Variants in CDH10 observed in about 807,000 individuals in gnomAD.
The protein encoded by CDH10 is cadherin 10, also known as cadherin-10.
In CDH10, 30 loss-of-function variants were observed where a neutral mutation model predicts 73.1. The ratio of observed to expected loss-of-function variants is 0.41; its 90% CI spans 0.31 to 0.56. The LOEUF is 0.56. CDH10 is among the 20% of genes least tolerant of loss of function. The probability of loss-of-function intolerance (pLI) is 0.27; values close to 1 mark genes in which losing one functional copy is unlikely to be tolerated. For synonymous variants in CDH10, 345 were observed against 348.2 expected, an observed-to-expected ratio of 0.99 and a Z score of 0.10; for missense variants, 815 against 973.7, an observed-to-expected ratio of 0.84 and a Z score of 2.17.
chr5:24,500,247 A>T (rs532861966), intron 8 of CDH10, among the ~76,000 whole-genome samples: 1 of 152,358 alleles, frequency 6.6e-6, no homozygotes, highest in Non-Finnish European at 1.5e-5. Flanking sequence ...TATTAAAATC[A>T]GCACTTTAAA....
At chr5:24,577,013 A>G (rs1481857056) in intron 2 of CDH10, among the ~76,000 whole-genome samples, 4 of 151,986 alleles carry the variant, frequency 2.6e-5, no homozygotes, top group African/African-American at 9.7e-5. Context: ...TATTAAAAAA[A>G]AAAAACCCAA....
intron 2 of CDH10, among the ~76,000 whole-genome samples, chr5:24,570,561 T>A (rs1231489709): frequency 6.6e-6 from 1 of 152,098 alleles, no homozygotes; most frequent in Non-Finnish European, 1.5e-5. Flanking sequence ...CAGATGTTTA[T>A]ACGAAGAGCA....
intron 9 of CDH10, among the ~76,000 whole-genome samples, chr5:24,493,673 T>C (rs1376796148): frequency 6.6e-6 from 1 of 151,912 alleles, no homozygotes; most frequent in East Asian, 1.9e-4. Context: ...CTATCTTCCT[T>C]TTGTTCTTTA....
At chr5:24,504,607 C>A (rs1275541145) in intron 8 of CDH10, among the ~76,000 whole-genome samples, 1 of 145,424 alleles carries the variant, frequency 6.9e-6, no homozygotes, top group Non-Finnish European at 1.5e-5. Context: ...CTCACTGCAA[C>A]CTCTGCCTCC....
chr5:24,620,361 C>T (rs1377031758), intron 1 of CDH10, among the ~76,000 whole-genome samples: 1 of 152,032 alleles, frequency 6.6e-6, no homozygotes, highest in Non-Finnish European at 1.5e-5. Context: ...ATTACATCTC[C>T]AAATTGGTTG....
At chr5:24,568,852 T>C (rs6878541) in intron 2 of CDH10, among the ~76,000 whole-genome samples, 141,350 of 152,158 alleles carry the variant, frequency 0.93, 66,073 homozygotes, top group East Asian at 1. Context: ...TGGTTCACAC[T>C]TGTAATCCCA....
chr5:24,572,553 A>G (rs1745424317), intron 2 of CDH10, among the ~76,000 whole-genome samples: 1 of 152,146 alleles, frequency 6.6e-6, no homozygotes, highest in Admixed American at 6.5e-5. Flanking sequence ...AAAAAAATCA[A>G]CACTATCTTA....
At chr5:24,604,804 C>T (rs1045313107) in intron 1 of CDH10, among the ~76,000 whole-genome samples, 3 of 144,712 alleles carry the variant, frequency 2.1e-5, no homozygotes, top group East Asian at 2.1e-4. Flanking sequence ...AGCCGGGAGG[C>T]GGAGGTTGCA....
chr5:24,624,465 T>C (rs1375510292), intron 1 of CDH10, among the ~76,000 whole-genome samples: 1 of 152,140 alleles, frequency 6.6e-6, no homozygotes, highest in African/African-American at 2.4e-5. Context: ...AAGAGACTAA[T>C]GATGAGGTGA....
chr5:24,619,444 C>T (rs767426624), intron 1 of CDH10, among the ~76,000 whole-genome samples: 6 of 152,104 alleles, frequency 3.9e-5, no homozygotes, highest in Non-Finnish European at 8.8e-5. Flanking sequence ...CTGCCCGCCT[C>T]GGCCTCACAA....
intron 2 of CDH10, among the ~76,000 whole-genome samples, chr5:24,577,186 G>C (rs1342620388): frequency 6.6e-6 from 1 of 151,944 alleles, no homozygotes; most frequent in Admixed American, 6.6e-5. Flanking sequence ...GGTGAGAAAG[G>C]TCATTAGGGA....
At chr5:24,554,022 C>T (rs1412560332) in intron 2 of CDH10, 1 of 145,548 alleles carries the variant, frequency 6.9e-6, no homozygotes, top group African/African-American at 2.6e-5. Context: ...CACATAAGGA[C>T]AGAGTGAGAG....
intron 2 of CDH10, among the ~76,000 whole-genome samples, chr5:24,564,107 A>G (rs968581990): frequency 6.6e-6 from 1 of 152,196 alleles, no homozygotes; most frequent in Non-Finnish European, 1.5e-5. Context: ...GTCAAAAATG[A>G]TATTTAGAAA....
intron 2 of CDH10, among the ~76,000 whole-genome samples, chr5:24,563,775 CAAAAAAAA>C (rs56666966): frequency 2.8e-4 from 36 of 128,712 alleles, no homozygotes; most frequent in Admixed American, 2.5e-4. Context: ...CCCCCTCCAC[CAAAAAAAA>C]AAAAAAAAAA....
At chr5:24,641,856 T>C (rs1748063241) in intron 1 of CDH10, among the ~76,000 whole-genome samples, 1 of 152,056 alleles carries the variant, frequency 6.6e-6, no homozygotes, top group Non-Finnish European at 1.5e-5. Context: ...ATATGTTGGG[T>C]TAATTGAAAG....
chr5:24,621,129 TCA>T (rs1747302862), intron 1 of CDH10, among the ~76,000 whole-genome samples: 1 of 152,118 alleles, frequency 6.6e-6, no homozygotes, highest in Non-Finnish European at 1.5e-5. Flanking sequence ...AACTGCCAGG[TCA>T]TGAGAGCCCT....
chr5:24,539,647 A>C (rs934909049), intron 2 of CDH10, among the ~76,000 whole-genome samples: 4 of 152,094 alleles, frequency 2.6e-5, no homozygotes, highest in Non-Finnish European at 5.9e-5. Context: ...TCAGGTAACA[A>C]ATAGTTTCTT....
chr5:24,508,236 T>C (rs1742769953), intron 7 of CDH10, among the ~76,000 whole-genome samples: 1 of 152,234 alleles, frequency 6.6e-6, no homozygotes, highest in African/African-American at 2.4e-5. Flanking sequence ...TTCATTTTCA[T>C]GCTGAATAGT....
intron 9 of CDH10, 27 bp downstream of exon 9, chr5:24,498,371 C>T (rs370513099): frequency 6.6e-7 from 1 of 1,523,564 alleles, no homozygotes; most frequent in Non-Finnish European, 9.0e-7. Flanking sequence ...AAAATCTTTC[C>T]AGAGTTTTAA....
Sources: gnomAD v4.1 joint callset for allele counts (sites outside exome capture counted in the v4.1 genomes callset) on GRCh38, gnomAD v4.1.1 for gene constraint, MANE v1.5 for transcripts, NCBI Gene and HGNC (gene_info 2026-07-23, HGNC 2026-07-21) for gene names.